The following RASGEF1A variants were observed in gnomAD, a reference collection of about 807,000 sequenced individuals.
RASGEF1A encodes RasGEF domain family member 1A.
A neutral mutation model predicts 56.4 loss-of-function variants in RASGEF1A; 18 were observed. The observed-to-expected ratio is 0.32, with a 90% CI of 0.22 to 0.47. The LOEUF is 0.47. Ranked by LOEUF, RASGEF1A falls within the 20% of genes least tolerant of loss-of-function variation. RASGEF1A has a pLI of 1.00. For synonymous variants in RASGEF1A, 245 were observed against 242.6 expected, an observed-to-expected ratio of 1.01 and a Z score of -0.09; for missense variants, 422 against 627.1, an observed-to-expected ratio of 0.67 and a Z score of 3.49.
At chr10:43,232,410 G>A (rs780616873) in intron 1 of RASGEF1A, among the ~76,000 whole-genome samples, 6 of 151,680 alleles carry the variant, frequency 4.0e-5, no homozygotes, top group Non-Finnish European at 8.8e-5. Context: ...AGCAAATGCT[G>A]CCATGATTCC....
At chr10:43,207,939 C>T (rs978596984) in intron 1 of RASGEF1A, 4 of 757,762 alleles carry the variant, frequency 5.3e-6, no homozygotes, top group Non-Finnish European at 6.4e-6. Context: ...TCCAGGAAGC[C>T]TCCCTGGGTT....
At chr10:43,200,132 T>C (rs1191019228) in intron 6 of RASGEF1A, 50 bp downstream of exon 6, 1 of 1,465,380 alleles carries the variant, frequency 6.8e-7, no homozygotes, top group Non-Finnish European at 9.4e-7. Flanking sequence ...GGAGCGCAAG[T>C]GCTGGGCAGA....
At position 43,219,949 on chromosome 10, in the gene RASGEF1A, G is replaced by C. The variant is rs550016006; in HGVS notation, c.-6-13827C>G. 5.9e-5 allele frequency among the ~76,000 whole-genome samples: 9 copies of C among 152,320 alleles called. 1 individual carries two copies. In the South Asian group the frequency reaches 1.9e-3, roughly 32 times the overall value. On this transcript the variant is annotated intron_variant, in intron 1 of 12. Coordinates refer to ENST00000395810, the MANE Select transcript of RASGEF1A (RefSeq NM_145313.4). ...GAGCTCTCTCTGGGCCAGTCATGGG[G>C]GTAGGGGAAGGGGGCACCCAGCCCC...
chr10:43,254,662 TCCATA>T (rs1840667624), intron 1 of RASGEF1A, among the ~76,000 whole-genome samples: 6 of 151,018 alleles, frequency 4.0e-5, no homozygotes, highest in Admixed American at 2.0e-4. Context: ...GGGCTGGGAG[TCCATA>T]AGGCTGTGCT....
chr10:43,219,453 T>C (rs1298101105), intron 1 of RASGEF1A, among the ~76,000 whole-genome samples: 1 of 152,192 alleles, frequency 6.6e-6, no homozygotes, highest in Non-Finnish European at 1.5e-5. Flanking sequence ...CCTAGATGGG[T>C]TGTCCACTGA....
intron 1 of RASGEF1A, chr10:43,208,885 G>A (rs1341378852): frequency 9.1e-6 from 9 of 985,538 alleles, no homozygotes; most frequent in Non-Finnish European, 1.1e-5. Context: ...TGCCGGCCCT[G>A]CAGCAGGCCC....
intron 1 of RASGEF1A, among the ~76,000 whole-genome samples, chr10:43,222,386 G>A (rs73256081): frequency 1.6e-3 from 250 of 152,276 alleles, no homozygotes; most frequent in African/African-American, 5.9e-3. Flanking sequence ...TGTGATGAAA[G>A]GGTGGGGACT....
chr10:43,196,391 C>A lies in RASGEF1A; in HGVS notation c.1421+85G>T. On this transcript the variant is annotated intron_variant, in intron 12 of 12. Transcript: ENST00000395810. The surrounding 1 kb of genome is among the most constrained non-coding windows in gnomAD (Gnocchi z 4.6). Reference sequence around the variant, plus strand: ...GACCAGGGACGCGGCAGTGCCCAGGCTCCCTTTCCAGGAGGGTAACCCTCG... The same window carrying A: ...GACCAGGGACGCGGCAGTGCCCAGGATCCCTTTCCAGGAGGGTAACCCTCG... 1 of 1,554,550 alleles carries A rather than the reference C, an allele frequency of 6.4e-7. No individual in the cohort carries two copies. The highest frequency in any genetic ancestry group is 8.9e-7 in the Non-Finnish European group (1 of 1,126,822).
chr10:43,229,545 T>TCGGGATGCAGGGGA, intron 1 of RASGEF1A: 1 of 1,133,414 alleles, frequency 8.8e-7, no homozygotes, highest in Non-Finnish European at 1.2e-6. Context: ...CCCGCACGGG[T>TCGGGATGCAGGGGA]CGGGATGCAG....
intron 10 of RASGEF1A, among the ~76,000 whole-genome samples, 182 bp downstream of exon 10, chr10:43,197,822 C>A (rs1273195074): frequency 2.6e-5 from 4 of 152,170 alleles, no homozygotes; most frequent in African/African-American, 9.7e-5. Flanking sequence ...GGCAGGCGCA[C>A]CTCATACCTT....
chr10:43,233,204 T>A (rs528291056), intron 1 of RASGEF1A, among the ~76,000 whole-genome samples: 22 of 152,222 alleles, frequency 1.4e-4, no homozygotes, highest in Non-Finnish European at 2.9e-4. Flanking sequence ...CCTGAGAATG[T>A]GAGCTCCATG....
intron 1 of RASGEF1A, among the ~76,000 whole-genome samples, chr10:43,234,256 C>G (rs941902447): frequency 2.6e-5 from 4 of 152,214 alleles, no homozygotes; most frequent in Admixed American, 6.5e-5. Flanking sequence ...CAGGTAGAAG[C>G]TGTCGGCACC....
chr10:43,208,187 G>A, intron 1 of RASGEF1A: 1 of 985,460 alleles, frequency 1.0e-6, no homozygotes, highest in Non-Finnish European at 1.2e-6. Context: ...ACCAGCAGGT[G>A]GTAACCTTGG....
chr10:43,228,809 G>A (rs948444973), intron 1 of RASGEF1A, among the ~76,000 whole-genome samples: 1 of 152,240 alleles, frequency 6.6e-6, no homozygotes, highest in Non-Finnish European at 1.5e-5. Flanking sequence ...CCGTGCTGTG[G>A]TGTTTGGTTC....
intron 1 of RASGEF1A, among the ~76,000 whole-genome samples, chr10:43,227,095 AG>A (rs1333353114): frequency 6.6e-6 from 1 of 152,158 alleles, no homozygotes; most frequent in Admixed American, 6.5e-5. Context: ...CAGTGGGTTA[AG>A]GGGGAAAAGG....
In RASGEF1A at chr10:43,206,002, T is replaced by C; in HGVS notation, c.115A>G (p.Ile39Val). 6.2e-7 allele frequency: 1 copy of C among 1,612,456 alleles called. No homozygotes were observed. Among genetic ancestry groups the C allele is most frequent in the South Asian group, 1.1e-5 (1 of 90,934 alleles). ...GGAGGGSGDL[I>V]FQDGHLISGS... ...GAGATGAGGTGTCCATCTTGGAAGATGAGGTCCCCGGAGCCGCCACCGGCC... is the reference window on the plus strand; with the variant it reads ...GAGATGAGGTGTCCATCTTGGAAGACGAGGTCCCCGGAGCCGCCACCGGCC... Residue 39 changes from isoleucine to valine, a missense_variant, in exon 2 of 13, where the codon ATC (isoleucine) becomes GTC (valine). Around this residue, in one of 2 missense-constraint regions of RASGEF1A, gnomAD observed 273 missense variants for 339.9 expected, o/e 0.80. Coordinates refer to ENST00000395810, the MANE Select transcript of RASGEF1A (RefSeq NM_145313.4).
At chr10:43,238,258 C>T (rs186166894) in intron 1 of RASGEF1A, among the ~76,000 whole-genome samples, 47 of 152,026 alleles carry the variant, frequency 3.1e-4, no homozygotes, top group African/African-American at 1.1e-3. Context: ...GGTTAGCCGC[C>T]GCAGATTGAG....
chr10:43,234,141 T>C (rs1182915704), intron 1 of RASGEF1A, among the ~76,000 whole-genome samples: 1 of 152,236 alleles, frequency 6.6e-6, no homozygotes, highest in Middle Eastern at 3.4e-3. Context: ...AATCACCAAG[T>C]GTACACTGTG....
At chr10:43,222,165 G>A (rs1163594280) in intron 1 of RASGEF1A, among the ~76,000 whole-genome samples, 4 of 152,180 alleles carry the variant, frequency 2.6e-5, no homozygotes, top group East Asian at 1.9e-4. Flanking sequence ...GTAACACAAC[G>A]GTAAGGATTT....
Sources: allele counts gnomAD v4.1 joint callset (sites outside exome capture counted in the v4.1 genomes callset), GRCh38; gene constraint gnomAD v4.1.1; regional missense constraint gnomAD v4.1.1; non-coding constraint Gnocchi (gnomAD v3.1); transcripts MANE v1.5; gene names NCBI Gene and HGNC (gene_info 2026-07-23, HGNC 2026-07-21).